The following ODAD2 variants were observed in gnomAD, a reference collection of about 807,000 sequenced individuals.
ODAD2 encodes outer dynein arm docking complex subunit 2.
A neutral mutation model predicts 106.8 loss-of-function variants in ODAD2; 89 were observed. The ratio of observed to expected loss-of-function variants is 0.83; its 90% CI spans 0.70 to 0.99. The LOEUF (loss-of-function observed/expected upper bound fraction) is 0.99. ODAD2 is among the 50% of genes least tolerant of loss of function. The pLI is 0.00. For synonymous variants in ODAD2, 404 were observed against 436.2 expected, an observed-to-expected ratio of 0.93 and a Z score of 0.92; for missense variants, 1,168 against 1,238.5, an observed-to-expected ratio of 0.94 and a Z score of 0.85.
At chr10:27,858,655 C>A (rs1255883667) in intron 19 of ODAD2, among the ~76,000 whole-genome samples, 1 of 13,222 alleles carries the variant, frequency 7.6e-5, no homozygotes, top group Non-Finnish European at 3.8e-4. Flanking sequence ...GTGGGTGGGC[C>A]AAACACAGTT....
Position 27,939,956 on chromosome 10 carries a change from T to G in ODAD2, c.2038A>C (p.Lys680Gln), listed in dbSNP as rs770427120. ...TGCTCATTCTCACTATTTAGGTTCTTGACAAGGTTTTCAATGATCCTTTCT... is the reference window on the plus strand; with the variant it reads ...TGCTCATTCTCACTATTTAGGTTCTGGACAAGGTTTTCAATGATCCTTTCT... Reference protein sequence around the residue: ...KAERIIENLVKNLNSENEQLQ... With the variant: ...KAERIIENLVQNLNSENEQLQ... The change falls in exon 14 of 20, where the codon AAG (lysine) becomes CAG (glutamine). Residue 680 changes from lysine to glutamine, a missense_variant. Coordinates refer to ENST00000305242, the MANE Select transcript of ODAD2 (RefSeq NM_018076.5). The G allele has an allele frequency of 6.2e-7, 1 of 1,611,370 alleles. No individual in the cohort carries two copies. The highest frequency in any genetic ancestry group is 8.5e-7 in the Non-Finnish European group (1 of 1,178,908).
intron 16 of ODAD2, among the ~76,000 whole-genome samples, chr10:27,909,911 G>C (rs1843881754): frequency 6.7e-6 from 1 of 150,032 alleles, no homozygotes; most frequent in African/African-American, 2.5e-5. Flanking sequence ...TGCAACCATA[G>C]GAACTAACAA....
At chr10:27,842,845 C>T (rs1838411586) in intron 19 of ODAD2, among the ~76,000 whole-genome samples, 1 of 152,170 alleles carries the variant, frequency 6.6e-6, no homozygotes, top group South Asian at 2.1e-4. Context: ...GCTAATTATA[C>T]ATATACCCTT....
chr10:27,885,785 T>TATTA (rs1220116080), intron 17 of ODAD2, among the ~76,000 whole-genome samples: 2 of 27,222 alleles, frequency 7.3e-5, no homozygotes, highest in African/African-American at 2.6e-4. Flanking sequence ...AAAATATATA[T>TATTA]TATATATAAT....
intron 16 of ODAD2, among the ~76,000 whole-genome samples, chr10:27,929,132 C>T (rs1590048948): frequency 6.6e-6 from 1 of 151,982 alleles, no homozygotes; most frequent in African/African-American, 2.4e-5. Context: ...CAGAAAAATA[C>T]AAAGCATTAA....
chr10:27,950,247 T>A (rs534212609), intron 10 of ODAD2, among the ~76,000 whole-genome samples: 2 of 152,208 alleles, frequency 1.3e-5, no homozygotes. Context: ...GTGCCCAGCA[T>A]AAAGATTGGC....
At chr10:27,836,723 C>T (rs1016903098) in intron 19 of ODAD2, among the ~76,000 whole-genome samples, 1 of 151,738 alleles carries the variant, frequency 6.6e-6, no homozygotes, top group Non-Finnish European at 1.5e-5. Flanking sequence ...TCAAGGAATA[C>T]GAAAAATACA....
intron 7 of ODAD2, among the ~76,000 whole-genome samples, chr10:27,974,610 C>A (rs1237473640): frequency 6.6e-6 from 1 of 151,044 alleles, no homozygotes; most frequent in African/African-American, 2.4e-5. Context: ...ATGCCAGTAC[C>A]ATGTTGTTTC....
intron 16 of ODAD2, among the ~76,000 whole-genome samples, chr10:27,919,416 C>A (rs1844620079): frequency 6.6e-6 from 1 of 152,082 alleles, no homozygotes; most frequent in South Asian, 2.1e-4. Context: ...CTCCACAGTA[C>A]ATATATCTAA....
rs1426757066 is a variant in ODAD2 at position 27,971,198 on chromosome 10, A to C, written c.1052T>G (p.Leu351Arg). 6.2e-7 allele frequency: 1 copy of C among 1,613,968 alleles called. No individual in the cohort carries two copies. The highest frequency in any genetic ancestry group is 1.7e-5 in the Admixed American group (1 of 59,990). The change falls in exon 8 of 20, where the codon CTG (leucine) becomes CGG (arginine). Residue 351 changes from leucine to arginine, a missense_variant. Coordinates refer to ENST00000305242, the MANE Select transcript of ODAD2 (RefSeq NM_018076.5). ...KDISGSDKRS[L>R]EKNQINFWRN... ...CCAAAAATTAATTTGGTTCTTCTCCAGTGACCTTTTGTCTGAACCAGAAAT... is the reference window on the plus strand; with the variant it reads ...CCAAAAATTAATTTGGTTCTTCTCCCGTGACCTTTTGTCTGAACCAGAAAT...
At chr10:27,861,547 G>A (rs1840040181) in intron 18 of ODAD2, among the ~76,000 whole-genome samples, 1 of 152,148 alleles carries the variant, frequency 6.6e-6, no homozygotes, top group Non-Finnish European at 1.5e-5. Flanking sequence ...TGGGATAAGT[G>A]GATTGACTGG....
Position 27,946,286 on chromosome 10 carries a change from G to A in ODAD2, c.1387-1324C>T, listed in dbSNP as rs145002194. Among the ~76,000 whole-genome samples, 324 of 150,664 alleles carry A rather than the reference G, an allele frequency of 2.2e-3. 2 individuals carry two copies. The highest frequency in any genetic ancestry group is 6.9e-3 in the Middle Eastern group (2 of 288). On this transcript the variant is annotated intron_variant, in intron 10 of 19. Coordinates refer to ENST00000305242, the MANE Select transcript of ODAD2 (RefSeq NM_018076.5). Reference sequence around the variant, plus strand: ...ACATATAATAGGCTTAGCACAGCTCGTGGAAATTCCATACCAGCTGCCAAA... The same window carrying A: ...ACATATAATAGGCTTAGCACAGCTCATGGAAATTCCATACCAGCTGCCAAA...
chr10:27,847,969 T>C (rs565469303), intron 19 of ODAD2, among the ~76,000 whole-genome samples: 45 of 152,252 alleles, frequency 3.0e-4, no homozygotes, highest in African/African-American at 1.1e-3. Flanking sequence ...ATAGGAAGAA[T>C]CAATATCGTG....
intron 19 of ODAD2, among the ~76,000 whole-genome samples, chr10:27,850,214 A>C (rs1244782289): frequency 1.3e-5 from 2 of 152,064 alleles, no homozygotes; most frequent in Non-Finnish European, 2.9e-5. Flanking sequence ...GGAGGCCAAG[A>C]CGGGTGAATC....
intron 7 of ODAD2, 127 bp downstream of exon 7, chr10:27,981,339 T>TAA (rs199591693): frequency 1.0e-4 from 79 of 778,162 alleles, no homozygotes; most frequent in Admixed American, 1.4e-4. Context: ...TGTTATGTTG[T>TAA]AAAAAAAAAC....
chr10:27,968,924 G>C lies in ODAD2; in HGVS notation c.1237C>G (p.Arg413Gly), dbSNP rs57067036. The change falls in exon 9 of 20, where the codon CGG (arginine) becomes GGG (glycine). Residue 413 changes from arginine (R) to glycine (G), a missense_variant and splice_region_variant. Arg to Gly is a moderately radical substitution (Grantham distance 125). This residue lies in a region of ODAD2 where 37 missense variants were observed against 74.1 expected (regional missense o/e 0.50). Transcript: ENST00000305242. ...SVSHGRAQLL[R>G]KSAEKIEETV... ...TCGTCTTGCTGACCAGAAACATACC[G>C]AAGTAATTGTGCTCTTCCGTGTGAA... is the stretch of plus-strand genomic sequence containing the variant. The C allele has an allele frequency of 0.086, 51,340 of 599,916 alleles. 1,649 individuals are homozygous for C. The highest frequency in any genetic ancestry group is 0.11 in the Admixed American group (3,694 of 34,414). The allele number at this position is 599,916 out of a possible 1,614,324, so 37.2% of individuals were successfully genotyped here. A position where few individuals can be genotyped will look rare whatever the true frequency, so the allele number is the denominator to read the frequency against.
intron 2 of ODAD2, among the ~76,000 whole-genome samples, chr10:27,988,343 T>A (rs1850009106): frequency 6.6e-6 from 1 of 150,544 alleles, no homozygotes; most frequent in Admixed American, 6.6e-5. Flanking sequence ...CTAGCTTTTT[T>A]TTTTTTTTTT....
rs533923854 is a variant in ODAD2, at chr10:27,909,129, C to T, written c.2496-1352G>A. On this transcript the variant is annotated intron_variant, in intron 16 of 19. Transcript: ENST00000305242. The stretch of plus-strand genomic sequence containing the variant: ...CATATGCTACTTAAAATATAACTAA[C>T]GCCAATCTCTGAGCCTCTATTTTTT... Among the ~76,000 whole-genome samples the T allele has an allele frequency of 1.0e-3, 155 of 152,234 alleles. 1 individual carries two copies. The highest frequency in any genetic ancestry group is 1.8e-3 in the Non-Finnish European group (123 of 68,024).
At chr10:27,916,305 G>T (rs1844373775) in intron 16 of ODAD2, among the ~76,000 whole-genome samples, 1 of 152,010 alleles carries the variant, frequency 6.6e-6, no homozygotes, top group African/African-American at 2.4e-5. Flanking sequence ...TTGGAGGCTG[G>T]GTAATCCAGC....
Sources: allele counts gnomAD v4.1 joint callset (sites outside exome capture counted in the v4.1 genomes callset), GRCh38; gene constraint gnomAD v4.1.1; regional missense constraint gnomAD v4.1.1; transcripts MANE v1.5; gene names NCBI Gene and HGNC (gene_info 2026-07-23, HGNC 2026-07-21).